SCLT1: variants seen among roughly 807,000 people sequenced by gnomAD.
SCLT1 encodes sodium channel-associated protein 1.
In SCLT1, 78 loss-of-function variants were observed where a neutral mutation model predicts 112.8. That is an observed-to-expected ratio of 0.69 (90% CI 0.58 to 0.83). SCLT1 has a LOEUF of 0.83. Ranked by LOEUF, SCLT1 falls within the 40% of genes least tolerant of loss-of-function variation. The pLI, the probability that SCLT1 is intolerant of heterozygous loss-of-function variation, is 0.00. For missense variants in SCLT1, 747 were observed against 770.4 expected, an observed-to-expected ratio of 0.97 and a Z score of 0.36; for synonymous variants, 257 against 254.7, an observed-to-expected ratio of 1.01 and a Z score of -0.09.
intron 17 of SCLT1, among the ~76,000 whole-genome samples, chr4:128,941,670 G>T (rs970709863): frequency 6.6e-6 from 1 of 151,898 alleles, no homozygotes; most frequent in African/African-American, 2.4e-5. Context: ...TAATTTTAGT[G>T]AAATCCAGTT....
chr4:129,005,890 A>G (rs1419772434), intron 5 of SCLT1, among the ~76,000 whole-genome samples: 1 of 151,480 alleles, frequency 6.6e-6, no homozygotes, highest in African/African-American at 2.4e-5. Flanking sequence ...ATTGGAAATC[A>G]TCACTCTCAG....
intron 18 of SCLT1, among the ~76,000 whole-genome samples, chr4:128,895,809 G>A (rs766520768): frequency 1.3e-5 from 2 of 152,160 alleles, no homozygotes; most frequent in Non-Finnish European, 2.9e-5. Flanking sequence ...GTGACAGACG[G>A]CACCTGGAAA....
chr4:128,897,546 C>T (rs1368966553), intron 18 of SCLT1, among the ~76,000 whole-genome samples: 9 of 149,058 alleles, frequency 6.0e-5, no homozygotes, highest in East Asian at 5.9e-4. Context: ...AAGGAACAAC[C>T]GGTACCAGCC....
chr4:129,024,566 G>C (rs1186309710), intron 5 of SCLT1, among the ~76,000 whole-genome samples: 1 of 152,096 alleles, frequency 6.6e-6, no homozygotes, highest in African/African-American at 2.4e-5. Flanking sequence ...CATCATCAAA[G>C]ACCAAAAGTA....
At chr4:128,902,019 T>C (rs113556511) in intron 18 of SCLT1, among the ~76,000 whole-genome samples, 3,261 of 152,108 alleles carry the variant, frequency 0.021, 67 homozygotes, top group Non-Finnish European at 0.032. Flanking sequence ...TAGGCTCAAG[T>C]GATCCTCCCA....
intron 2 of SCLT1, among the ~76,000 whole-genome samples, chr4:129,053,226 TG>T (rs1343047801): frequency 6.6e-6 from 1 of 152,216 alleles, no homozygotes; most frequent in Non-Finnish European, 1.5e-5. Flanking sequence ...TGGAGAGTTC[TG>T]TAGATGTCTA....
At position 128,999,751 on chromosome 4, in the gene SCLT1, T is replaced by A; in HGVS notation, c.470A>T (p.Glu157Val). 3.7e-6 allele frequency: 6 copies of A among 1,604,582 alleles called. No individual in the cohort carries two copies. Among genetic ancestry groups the A allele is most frequent in the Non-Finnish European group, 5.1e-6 (6 of 1,173,986 alleles). Residue 157 changes from glutamate to valine, a missense_variant, in exon 7 of 21, where the codon GAG becomes GTG. Transcript: ENST00000281142. Reference protein sequence around the residue: ...AVELWQTVSQELDRLHKLYQE... With the variant: ...AVELWQTVSQVLDRLHKLYQE... ...GTAAAGCTTGTGTAGTCTGTCCAAC[T>A]CCTGAGAAACAGTCTGCCAGAGTTC... is the stretch of plus-strand genomic sequence containing the variant.
At chr4:128,889,296 T>C (rs1332522284) in intron 19 of SCLT1, among the ~76,000 whole-genome samples, 1 of 152,160 alleles carries the variant, frequency 6.6e-6, no homozygotes, top group Non-Finnish European at 1.5e-5. Flanking sequence ...CAAGTTGAGA[T>C]GAGATCATTA....
chr4:128,987,437 A>G (rs1163712207), intron 9 of SCLT1, among the ~76,000 whole-genome samples: 2 of 152,338 alleles, frequency 1.3e-5, no homozygotes, highest in Non-Finnish European at 1.5e-5. Flanking sequence ...GTTTTGGGGA[A>G]GCTCAACAAA....
At chr4:128,965,082 G>T in intron 11 of SCLT1, 145 bp downstream of exon 11, 1 of 534,458 alleles carries the variant, frequency 1.9e-6, no homozygotes. Context: ...AAACAATGTC[G>T]ATTAAATCAG....
intron 18 of SCLT1, among the ~76,000 whole-genome samples, chr4:128,921,939 C>T (rs1480023513): frequency 1.3e-5 from 2 of 151,850 alleles, no homozygotes. Context: ...TATAGTTAAA[C>T]AAATTTATAA....
chr4:129,022,904 A>T (rs1357691171), intron 5 of SCLT1, among the ~76,000 whole-genome samples: 1 of 152,204 alleles, frequency 6.6e-6, no homozygotes, highest in Non-Finnish European at 1.5e-5. Context: ...GAGAAAGGTC[A>T]GGTTACCTAC....
At chr4:129,069,698 A>C (rs1470170514) in intron 2 of SCLT1, among the ~76,000 whole-genome samples, 3 of 152,156 alleles carry the variant, frequency 2.0e-5, no homozygotes, top group Admixed American at 2.0e-4. Context: ...TATCATCAGC[A>C]AACAGTGACA....
chr4:129,047,466 C>T (rs1374491), intron 2 of SCLT1, among the ~76,000 whole-genome samples: 110,038 of 151,988 alleles, frequency 0.72, 41,779 homozygotes, highest in South Asian at 0.9. Context: ...TTTCCAAGTG[C>T]AGTTGTTCTG....
chr4:129,039,297 T>C, intron 4 of SCLT1: 1 of 439,072 alleles, frequency 2.3e-6, no homozygotes, highest in South Asian at 4.5e-5. Context: ...TTAAGTAGAA[T>C]ATAAATAAAA....
At chr4:129,040,315 A>G (rs1202073062) in intron 4 of SCLT1, 1 of 651,732 alleles carries the variant, frequency 1.5e-6, no homozygotes. Flanking sequence ...AAAGACAGGT[A>G]CAGGGTTTTA....
chr4:129,031,804 G>A (rs1176853939), intron 5 of SCLT1, among the ~76,000 whole-genome samples: 3 of 151,604 alleles, frequency 2.0e-5, no homozygotes, highest in Middle Eastern at 6.8e-3. Context: ...CTCAAGAGAG[G>A]ACAGAAACAA....
chr4:129,060,227 ATTCT>A (rs1383072271), intron 2 of SCLT1, among the ~76,000 whole-genome samples: 3 of 152,088 alleles, frequency 2.0e-5, no homozygotes, highest in African/African-American at 7.2e-5. Flanking sequence ...CATATTATGA[ATTCT>A]TTGTCTGATT....
At chr4:128,922,772 C>T (rs532847198) in intron 18 of SCLT1, among the ~76,000 whole-genome samples, 12 of 152,250 alleles carry the variant, frequency 7.9e-5, no homozygotes, top group South Asian at 4.1e-4. Context: ...CAAACCTGCT[C>T]ATGTACCCAT....
Sources: allele counts gnomAD v4.1 joint callset (sites outside exome capture counted in the v4.1 genomes callset), GRCh38; gene constraint gnomAD v4.1.1; transcripts MANE v1.5; gene names NCBI Gene and HGNC (gene_info 2026-07-23, HGNC 2026-07-21).